RPS6KA3: variants seen among roughly 807,000 people sequenced by gnomAD.
RPS6KA3 encodes the protein ribosomal protein S6 kinase A3.
Under a neutral mutation model 67.2 loss-of-function variants are expected in RPS6KA3, and 4 were observed. That is an observed-to-expected ratio of 0.06 (90% CI 0.03 to 0.14). The LOEUF is 0.14. Among genes scored for constraint, RPS6KA3 ranks in the 10% least tolerant of loss-of-function variants. RPS6KA3 has a pLI of 1.00. For missense variants in RPS6KA3, 204 were observed against 559.0 expected (o/e 0.36, Z 6.40); for synonymous variants, 182 against 183.7 (o/e 0.99, Z 0.07).
chrX:20,192,917 G>A (rs1283437504), intron 7 of RPS6KA3, among the ~76,000 whole-genome samples: 2 of 111,291 alleles, frequency 1.8e-5, no homozygotes, highest in African/African-American at 6.5e-5. Flanking sequence ...ATGAACAAAG[G>A]CCATGAGCAG....
intron 1 of RPS6KA3, among the ~76,000 whole-genome samples, chrX:20,255,416 G>C (rs147177093): frequency 0.025 from 2,772 of 111,725 alleles, 88 homozygotes; most frequent in African/African-American, 0.08. Flanking sequence ...GGTGATGGCT[G>C]CACAACCTTG....
In RPS6KA3 at chrX:20,195,711, A is replaced by G. The variant is rs144832799; in HGVS notation, c.326-566T>C. Among the ~76,000 whole-genome samples, 64 of 112,408 alleles carry G rather than the reference A, an allele frequency of 5.7e-4. 1 individual carries two copies. The highest frequency in any genetic ancestry group is 1.8e-3 in the African/African-American group (55 of 31,057). Reference sequence around the variant, plus strand: ...CAAATGTTTTCTGGAGTTTAGACAGAAAGATATGAATTCAGATCTGTGTAA... The same window carrying G: ...CAAATGTTTTCTGGAGTTTAGACAGGAAGATATGAATTCAGATCTGTGTAA... On this transcript the variant is annotated intron_variant, in intron 4 of 21. Coordinates refer to ENST00000379565, the MANE Select transcript of RPS6KA3 (RefSeq NM_004586.3).
At position 20,241,006 on chromosome X, in the gene RPS6KA3, G is replaced by A. The variant is rs368198249; in HGVS notation, c.70-6192C>T. Among the ~76,000 whole-genome samples the A allele has an allele frequency of 1.5e-4, 17 of 110,862 alleles. No homozygotes were observed. The East Asian group carries it at 4.5e-3, about 29-fold the overall frequency. ...TTATTATGTATTAATTTTATAAAGA[G>A]AAAAACAATACATGTAATTAGAAAA... On this transcript the variant is annotated intron_variant, in intron 1 of 21. Coordinates refer to ENST00000379565, the MANE Select transcript of RPS6KA3 (RefSeq NM_004586.3).
chrX:20,192,298 T>C (rs755540413), intron 7 of RPS6KA3, among the ~76,000 whole-genome samples: 1 of 111,069 alleles, frequency 9.0e-6, no homozygotes, highest in Non-Finnish European at 1.9e-5. Context: ...CACTTAAAAT[T>C]TGAAATTACA....
chrX:20,217,414 G>A (rs897235503), intron 2 of RPS6KA3, among the ~76,000 whole-genome samples: 2 of 112,776 alleles, frequency 1.8e-5, no homozygotes, highest in African/African-American at 6.4e-5. Context: ...CAAACTGAGA[G>A]ATATTAACTG....
At chrX:20,243,695 T>C (rs1285522068) in intron 1 of RPS6KA3, among the ~76,000 whole-genome samples, 3 of 109,751 alleles carry the variant, frequency 2.7e-5, no homozygotes, top group Non-Finnish European at 5.7e-5. Context: ...GGTTTCACCA[T>C]GTTGGTCAGG....
intron 5 of RPS6KA3, 97 bp downstream of exon 5, chrX:20,194,968 T>C (rs2068234817): frequency 5.9e-6 from 3 of 512,709 alleles, no homozygotes; most frequent in South Asian, 6.1e-5. Flanking sequence ...GCTAACCACA[T>C]ACAAATATAT....
intron 16 of RPS6KA3, among the ~76,000 whole-genome samples, chrX:20,168,578 A>T (rs1327748938): frequency 9.0e-6 from 1 of 111,032 alleles, no homozygotes; most frequent in South Asian, 3.8e-4. Flanking sequence ...TCTCTTTTCT[A>T]GTAATGTGGA....
At chrX:20,253,177 A>T (rs1307865764) in intron 1 of RPS6KA3, among the ~76,000 whole-genome samples, 2 of 92,997 alleles carry the variant, frequency 2.2e-5, no homozygotes, top group Non-Finnish European at 4.1e-5. Context: ...TAGGTCTCTG[A>T]TCTCCCCAGC....
chrX:20,256,308 T>C (rs753179681), intron 1 of RPS6KA3, among the ~76,000 whole-genome samples: 1 of 108,590 alleles, frequency 9.2e-6, no homozygotes, highest in Non-Finnish European at 1.9e-5. Context: ...GATAGCAAGA[T>C]AATTGTTAAC....
intron 2 of RPS6KA3, among the ~76,000 whole-genome samples, chrX:20,233,584 C>G (rs931191649): frequency 1.0e-4 from 11 of 109,344 alleles, no homozygotes; most frequent in African/African-American, 3.7e-4. Flanking sequence ...ACAAAAAACA[C>G]AAACATTAAA....
intron 17 of RPS6KA3, among the ~76,000 whole-genome samples, chrX:20,166,432 G>A (rs2067437788): frequency 9.0e-6 from 1 of 111,444 alleles, no homozygotes; most frequent in African/African-American, 3.3e-5. Context: ...TAAGTTAGAA[G>A]TCAGGAAGCT....
intron 2 of RPS6KA3, among the ~76,000 whole-genome samples, chrX:20,211,909 T>C (rs1051773184): frequency 1.8e-5 from 2 of 112,333 alleles, no homozygotes; most frequent in African/African-American, 6.5e-5. Context: ...TTTACATTTT[T>C]CTTTTTTAGG....
At chrX:20,215,081 C>T (rs930861857) in intron 2 of RPS6KA3, among the ~76,000 whole-genome samples, 15 of 111,309 alleles carry the variant, frequency 1.3e-4, no homozygotes, top group Non-Finnish European at 1.7e-4. Flanking sequence ...GCTGGGATTA[C>T]GGGAATGAGC....
intron 2 of RPS6KA3, 123 bp from the exon 3 acceptor site, chrX:20,209,527 C>A (rs2068656461): frequency 2.1e-6 from 1 of 474,887 alleles, no homozygotes; most frequent in Non-Finnish European, 3.7e-6. Flanking sequence ...AATTTCTAAA[C>A]ATATTAGAAA....
chrX:20,226,532 C>T (rs956374252), intron 2 of RPS6KA3, among the ~76,000 whole-genome samples: 13 of 112,190 alleles, frequency 1.2e-4, no homozygotes, highest in Admixed American at 9.4e-4. Context: ...AGTGCATTTA[C>T]CCAAATGTTG....
intron 1 of RPS6KA3, among the ~76,000 whole-genome samples, chrX:20,242,980 A>G (rs1464868619): frequency 9.0e-6 from 1 of 111,375 alleles, no homozygotes; most frequent in Non-Finnish European, 1.9e-5. Flanking sequence ...TTTAATAATC[A>G]GGTTATATTT....
At chrX:20,189,823 A>G (rs771571762) in intron 7 of RPS6KA3, among the ~76,000 whole-genome samples, 3 of 112,270 alleles carry the variant, frequency 2.7e-5, no homozygotes, top group Admixed American at 9.5e-5. Flanking sequence ...AAATATTACC[A>G]ATCTTTCTAT....
intron 18 of RPS6KA3, among the ~76,000 whole-genome samples, chrX:20,164,616 G>A (rs2067391508): frequency 9.1e-6 from 1 of 109,722 alleles, no homozygotes; most frequent in Non-Finnish European, 1.9e-5. Flanking sequence ...AACTCCTGGC[G>A]TCAAACAGTC....
Sources: allele counts gnomAD v4.1 joint callset (sites outside exome capture counted in the v4.1 genomes callset), GRCh38; gene constraint gnomAD v4.1.1; transcripts MANE v1.5; gene names NCBI Gene and HGNC (gene_info 2026-07-23, HGNC 2026-07-21).